CCL17: variants seen among roughly 807,000 people sequenced by gnomAD.
CCL17 encodes the protein C-C motif chemokine 17.
In CCL17, 8 loss-of-function variants were observed where a neutral mutation model predicts 7.4. The observed-to-expected ratio is 1.09, with a 90% CI of 0.64 to 1.96. CCL17 has a LOEUF of 1.96. CCL17 is among the 30% of genes most tolerant of loss of function. The probability of loss-of-function intolerance (pLI) is 0.00; values close to 1 mark genes in which losing one functional copy is unlikely to be tolerated. For missense variants in CCL17, 102 were observed against 113.0 expected, an observed-to-expected ratio of 0.90 and a Z score of 0.44; for synonymous variants, 40 against 46.1, an observed-to-expected ratio of 0.87 and a Z score of 0.54.
the CCL17 span, among the ~76,000 whole-genome samples, chr16:57,399,212 G>T: frequency 6.6e-6 from 1 of 152,098 alleles, no homozygotes; most frequent in Non-Finnish European, 1.5e-5. Context: ...CCCACCCCTG[G>T]TTCTCACCTG....
intron 1 of CCL17, among the ~76,000 whole-genome samples, chr16:57,407,263 T>C (rs1454082567): frequency 2.6e-5 from 4 of 152,018 alleles, no homozygotes; most frequent in Non-Finnish European, 5.9e-5. Flanking sequence ...CCCTCTGGGA[T>C]GAATAAAGGT....
At chr16:57,401,089 G>T (rs1315648653), upstream of CCL17, among the ~76,000 whole-genome samples, 3 of 152,010 alleles carry the variant, frequency 2.0e-5, no homozygotes, top group African/African-American at 7.3e-5. Flanking sequence ...TGGTATAGTT[G>T]GTGTATAGAA....
At chr16:57,400,314 G>A (rs1195876192), upstream of CCL17, among the ~76,000 whole-genome samples, 1 of 151,956 alleles carries the variant, frequency 6.6e-6, no homozygotes, top group East Asian at 1.9e-4. Context: ...AGCTGATATT[G>A]CGCCACTGCA....
At chr16:57,414,248 C>T (rs1367472337) in intron 2 of CCL17, among the ~76,000 whole-genome samples, 1 of 151,872 alleles carries the variant, frequency 6.6e-6, no homozygotes, top group African/African-American at 2.4e-5. Flanking sequence ...TCTTGGGCTG[C>T]AATGGCCGTG....
At chr16:57,402,030 G>A (rs1902600822), upstream of CCL17, among the ~76,000 whole-genome samples, 1 of 152,236 alleles carries the variant, frequency 6.6e-6, no homozygotes, top group African/African-American at 2.4e-5. Context: ...AAAGGAAGGG[G>A]GACCCTATTG....
intron 1 of CCL17, among the ~76,000 whole-genome samples, chr16:57,407,855 T>C (rs150611170): frequency 9.3e-5 from 14 of 150,374 alleles, no homozygotes; most frequent in Middle Eastern, 3.4e-3. Context: ...CATCCATCCA[T>C]TTATTCTTTT....
At position 57,415,107 on chromosome 16, in the gene CCL17, T is replaced by C. The variant is rs759399691; in HGVS notation, c.97T>C (p.Cys33Arg). 2.0e-5 allele frequency: 33 copies of C among 1,613,586 alleles called. No homozygotes were observed. In the South Asian group the frequency reaches 2.5e-4, roughly 12 times the overall value. The change falls in exon 3 of 4, where the codon TGC becomes CGC. Residue 33 changes from cysteine (C) to arginine (R), a missense_variant. By Grantham distance (180) the Cys-to-Arg change is radical (BLOSUM62 -3). Coordinates refer to ENST00000219244, the MANE Select transcript of CCL17 (RefSeq NM_002987.3). The surrounding 1 kb of genome is among the most constrained non-coding windows in gnomAD (Gnocchi z 4.5). ...AARGTNVGRECCLEYFKGAIP... is the reference protein window; with the variant it reads ...AARGTNVGRERCLEYFKGAIP... ...TCGAGGGACCAATGTGGGCCGGGAG[T>C]GCTGCCTGGAGTACTTCAAGGGAGC... is the stretch of plus-strand genomic sequence containing the variant.
At chr16:57,401,001 G>A (rs368486820), upstream of CCL17, among the ~76,000 whole-genome samples, 50 of 151,006 alleles carry the variant, frequency 3.3e-4, no homozygotes, top group Non-Finnish European at 6.3e-4. Context: ...CCAAAGCCAC[G>A]CACTTAGTAA....
At chr16:57,414,478 G>C (rs1203526128) in intron 2 of CCL17, among the ~76,000 whole-genome samples, 1 of 136,282 alleles carries the variant, frequency 7.3e-6, no homozygotes, top group Non-Finnish European at 1.5e-5. Context: ...GAGTGCAATG[G>C]TGTGATCTTG....
At position 57,416,031 on chromosome 16, in the gene CCL17, C is replaced by T. The variant is rs1414485944; in HGVS notation, c.*170C>T. The T allele has an allele frequency of 5.1e-6, 3 of 589,728 alleles. No individual in the cohort carries two copies. Among genetic ancestry groups the T allele is most frequent in the Non-Finnish European group, 9.2e-6 (3 of 327,816 alleles). The allele number at this position is 589,728 out of a possible 1,614,324, so 36.5% of individuals were successfully genotyped here. ...CCCTTGTCTGAACTGGAGCCATGGGCACAAAGGGCCCAGATTAAAGTCTTT... is the reference window on the plus strand; with the variant it reads ...CCCTTGTCTGAACTGGAGCCATGGGTACAAAGGGCCCAGATTAAAGTCTTT... On this transcript the variant is annotated 3_prime_UTR_variant, in exon 4 of 4. Transcript: ENST00000219244.
chr16:57,404,854 C>A lies in CCL17; in HGVS notation c.-60+18C>A, dbSNP rs190501315. 234 of 154,498 alleles carry A rather than the reference C, an allele frequency of 1.5e-3. 2 individuals are homozygous for A. The highest frequency in any genetic ancestry group is 5.4e-3 in the African/African-American group (223 of 41,604). 9.6% of individuals were successfully genotyped at this position (154,498 alleles called of 1,614,324 possible). A position where few individuals can be genotyped will look rare whatever the true frequency, so the allele number is the denominator to read the frequency against. ...AAAACCAGGTGACCTGACCTAGAGTCTTTGCTCCTAACCCCTCCACTGTGA... is the reference window on the plus strand; with the variant it reads ...AAAACCAGGTGACCTGACCTAGAGTATTTGCTCCTAACCCCTCCACTGTGA... On this transcript the variant is annotated intron_variant, in intron 1 of 3. Coordinates refer to ENST00000219244, the MANE Select transcript of CCL17 (RefSeq NM_002987.3).
chr16:57,413,859 C>A lies in CCL17; in HGVS notation c.-59-15C>A. On this transcript the variant is annotated splice_polypyrimidine_tract_variant and intron_variant, in intron 1 of 3. Coordinates refer to ENST00000219244, the MANE Select transcript of CCL17 (RefSeq NM_002987.3). ...AGAGGTTAAATAGGTCACTGCCACCCTCGACTCTCAGCAGGGTGTCTCCCT... is the reference window on the plus strand; with the variant it reads ...AGAGGTTAAATAGGTCACTGCCACCATCGACTCTCAGCAGGGTGTCTCCCT... The A allele has an allele frequency of 1.4e-6, 2 of 1,381,522 alleles. No individual in the cohort carries two copies. Among genetic ancestry groups the A allele is most frequent in the East Asian group, 2.5e-5 (1 of 39,954 alleles). 85.6% of individuals were successfully genotyped at this position (1,381,522 alleles called of 1,614,324 possible). A position where few individuals can be genotyped will look rare whatever the true frequency, so the allele number is the denominator to read the frequency against.
chr16:57,402,236 T>C (rs183104637), upstream of CCL17, among the ~76,000 whole-genome samples: 742 of 152,190 alleles, frequency 4.9e-3, 19 homozygotes, highest in Non-Finnish European at 3.1e-3. Flanking sequence ...ATGACCCAGG[T>C]GGCATTGTGC....
At chr16:57,400,122 G>A (rs1902570995), upstream of CCL17, among the ~76,000 whole-genome samples, 1 of 152,194 alleles carries the variant, frequency 6.6e-6, no homozygotes, top group African/African-American at 2.4e-5. Flanking sequence ...CACTTTGGGA[G>A]GCGGAGGTGG....
At chr16:57,403,607 A>T (rs562725477), upstream of CCL17, among the ~76,000 whole-genome samples, 510 of 62,410 alleles carry the variant, frequency 8.2e-3, 2 homozygotes, top group African/African-American at 0.012. Context: ...TAATATATAT[A>T]ATATATATTT....
chr16:57,409,976 G>A (rs1301091648), intron 1 of CCL17, among the ~76,000 whole-genome samples: 3 of 152,172 alleles, frequency 2.0e-5, no homozygotes, highest in East Asian at 1.9e-4. Flanking sequence ...GAGCTGCTCC[G>A]GGAGACCTCG....
Position 57,413,936 on chromosome 16 carries a change from G to A in CCL17, c.4G>A (p.Ala2Thr). 1 of 1,607,468 alleles carries A rather than the reference G, an allele frequency of 6.2e-7. No homozygotes were observed. Among genetic ancestry groups the A allele is most frequent in the Non-Finnish European group, 8.5e-7 (1 of 1,177,142 alleles). The change falls in exon 2 of 4, where the codon GCC (alanine) becomes ACC (threonine). Residue 2 changes from alanine (A) to threonine (T), a missense_variant. Transcript: ENST00000219244. ...TCCCTCCTGGGCTCCTGGCACCATGGCCCCACTGAAGATGCTGGCCCTGGT... is the reference window on the plus strand; with the variant it reads ...TCCCTCCTGGGCTCCTGGCACCATGACCCCACTGAAGATGCTGGCCCTGGT... M[A>T]PLKMLALVTL...
Position 57,415,258 on chromosome 16 carries a change from T to C in CCL17, c.188+60T>C. 3 of 1,145,584 alleles carry C rather than the reference T, an allele frequency of 2.6e-6. No homozygotes were observed. In the Admixed American group the frequency reaches 5.1e-5, roughly 19 times the overall value. The allele number at this position is 1,145,584 out of a possible 1,614,324, so 71.0% of individuals were successfully genotyped here. ...GCCAAGCATGGGGACAAGTGCACCC[T>C]GGAGCTCCCAGGACGGCCAATGGGG... On this transcript the variant is annotated intron_variant, in intron 3 of 3. Coordinates refer to ENST00000219244, the MANE Select transcript of CCL17 (RefSeq NM_002987.3). The surrounding 1 kb of genome is among the most constrained non-coding windows in gnomAD (Gnocchi z 4.5).
chr16:57,405,701 T>C (rs1371353116), intron 1 of CCL17, among the ~76,000 whole-genome samples: 8 of 151,912 alleles, frequency 5.3e-5, no homozygotes, highest in African/African-American at 1.9e-4. Context: ...TGGGTGTGTC[T>C]GATTAGTTAC....
Sources: allele counts gnomAD v4.1 joint callset (sites outside exome capture counted in the v4.1 genomes callset), GRCh38; gene constraint gnomAD v4.1.1; non-coding constraint Gnocchi (gnomAD v3.1); transcripts MANE v1.5; gene names NCBI Gene and HGNC (gene_info 2026-07-23, HGNC 2026-07-21).